Variants in ADAMTSL1 observed in about 807,000 individuals in gnomAD.
ADAMTSL1 encodes the protein ADAMTS like 1.
A neutral mutation model predicts 201.8 loss-of-function variants in ADAMTSL1; 126 were observed. That is an observed-to-expected ratio of 0.62 (90% CI 0.54 to 0.72). The LOEUF is 0.72. ADAMTSL1 is among the 30% of genes least tolerant of loss of function. The pLI is 0.00. For missense variants in ADAMTSL1, 2,679 were observed against 2,277.8 expected (o/e 1.18, Z -3.59); for synonymous variants, 1,121 against 903.4 (o/e 1.24, Z -4.32).
chr9:18,322,775 A>T (rs1474677073), intron 2 of ADAMTSL1, among the ~76,000 whole-genome samples: 2 of 152,204 alleles, frequency 1.3e-5, no homozygotes, highest in African/African-American at 4.8e-5. Flanking sequence ...GTAAAATGAT[A>T]AAAAAGAGTA....
chr9:18,599,035 A>G (rs1008680814), intron 4 of ADAMTSL1, among the ~76,000 whole-genome samples: 11 of 151,830 alleles, frequency 7.2e-5, no homozygotes, highest in Non-Finnish European at 1.3e-4. Flanking sequence ...TCTCCTCCCT[A>G]CTCCTGAGGG....
At chr9:18,283,873 G>T (rs1475601772) in intron 2 of ADAMTSL1, among the ~76,000 whole-genome samples, 2 of 133,696 alleles carry the variant, frequency 1.5e-5, no homozygotes, top group Non-Finnish European at 1.5e-5. Flanking sequence ...GATTGAGATT[G>T]TGCCACTGCA....
intron 23 of ADAMTSL1, among the ~76,000 whole-genome samples, chr9:18,861,145 G>A (rs924209036): frequency 6.6e-6 from 1 of 151,470 alleles, no homozygotes; most frequent in Non-Finnish European, 1.5e-5. Context: ...GTTATACAGA[G>A]ATCATATACA....
chr9:18,346,975 C>T (rs756871737), intron 2 of ADAMTSL1, among the ~76,000 whole-genome samples: 3 of 152,136 alleles, frequency 2.0e-5, no homozygotes, highest in South Asian at 4.2e-4. Context: ...CTTCAGATTC[C>T]GAGATTAATA....
intron 23 of ADAMTSL1, among the ~76,000 whole-genome samples, chr9:18,844,770 C>A (rs150931811): frequency 6.6e-6 from 1 of 152,158 alleles, no homozygotes; most frequent in Non-Finnish European, 1.5e-5. Flanking sequence ...GCCTTGCTGC[C>A]GCATTGCAGT....
At position 18,591,449 on chromosome 9, in the gene ADAMTSL1, G is replaced by A. The variant is rs1576896; in HGVS notation, c.474+17183G>A. Among the ~76,000 whole-genome samples, 951 of 152,090 alleles carry A rather than the reference G, an allele frequency of 6.3e-3. 6 individuals carry two copies. Among genetic ancestry groups the A allele is most frequent in the African/African-American group, 0.022 (893 of 41,496 alleles). On this transcript the variant is annotated intron_variant, in intron 4 of 28. Coordinates refer to ENST00000380548, the MANE Select transcript of ADAMTSL1 (RefSeq NM_001040272.6). The stretch of plus-strand genomic sequence containing the variant: ...CTTCTTGTTTACAGCGTATAGTTGG[G>A]CCTTATTATTTATTCCATTCAGCCA...
intron 1 of ADAMTSL1, among the ~76,000 whole-genome samples, chr9:18,092,369 G>A (rs1824063146): frequency 6.6e-6 from 1 of 152,160 alleles, no homozygotes; most frequent in Non-Finnish European, 1.5e-5. Context: ...CATAAAGAAT[G>A]AGTAGAAAGT....
intron 2 of ADAMTSL1, among the ~76,000 whole-genome samples, chr9:18,297,976 G>T (rs1233891067): frequency 6.6e-6 from 1 of 152,156 alleles, no homozygotes; most frequent in Non-Finnish European, 1.5e-5. Flanking sequence ...TATTTCACCT[G>T]TTTCTTTAAC....
At chr9:18,226,178 T>C (rs923337474) in intron 2 of ADAMTSL1, among the ~76,000 whole-genome samples, 11 of 152,210 alleles carry the variant, frequency 7.2e-5, no homozygotes, top group African/African-American at 2.7e-4. Flanking sequence ...TGTTTCTTTT[T>C]AATTTTTTCA....
At chr9:18,124,365 G>A (rs543584815) in intron 1 of ADAMTSL1, among the ~76,000 whole-genome samples, 12 of 152,132 alleles carry the variant, frequency 7.9e-5, no homozygotes, top group Admixed American at 3.3e-4. Flanking sequence ...ACAGGTGTGC[G>A]CCACCACACC....
At chr9:18,119,492 G>A (rs1016910301) in intron 1 of ADAMTSL1, among the ~76,000 whole-genome samples, 15 of 152,048 alleles carry the variant, frequency 9.9e-5, no homozygotes, top group Non-Finnish European at 1.8e-4. Flanking sequence ...AGTAGAGACG[G>A]ATTTCACTAC....
intron 1 of ADAMTSL1, among the ~76,000 whole-genome samples, chr9:18,099,253 G>A (rs542645647): frequency 6.9e-6 from 1 of 144,342 alleles, no homozygotes; most frequent in East Asian, 2.0e-4. Context: ...TGTTGCTCCT[G>A]AAAAATCTGA....
At chr9:18,215,624 T>C (rs1439957855) in intron 2 of ADAMTSL1, among the ~76,000 whole-genome samples, 2 of 152,186 alleles carry the variant, frequency 1.3e-5, no homozygotes, top group African/African-American at 4.8e-5. Context: ...TTTGTCAAGA[T>C]GGGAAGGTAG....
intron 3 of ADAMTSL1, among the ~76,000 whole-genome samples, chr9:18,548,112 A>G (rs945976183): frequency 1.3e-5 from 2 of 152,022 alleles, no homozygotes; most frequent in African/African-American, 4.8e-5. Flanking sequence ...GCAATTGTGA[A>G]TTGTCTACTT....
At chr9:18,474,106 G>A (rs1439519226), upstream of ADAMTSL1, 3 of 731,012 alleles carry the variant, frequency 4.1e-6, no homozygotes, top group African/African-American at 1.7e-5. Context: ...CAGGAAATGT[G>A]AGAGGGGCTG....
chr9:18,179,379 A>G (rs1828343746), intron 2 of ADAMTSL1, among the ~76,000 whole-genome samples: 1 of 152,230 alleles, frequency 6.6e-6, no homozygotes, highest in African/African-American at 2.4e-5. Flanking sequence ...GACTACGTGA[A>G]AAGACCAAAT....
At chr9:18,774,859 T>C (rs955376379) in intron 17 of ADAMTSL1, among the ~76,000 whole-genome samples, 1 of 152,210 alleles carries the variant, frequency 6.6e-6, no homozygotes, top group African/African-American at 2.4e-5. Flanking sequence ...ACACAAGTCT[T>C]TGTGTGGATG....
chr9:17,939,062 G>GT (rs1161968396), intron 1 of ADAMTSL1, among the ~76,000 whole-genome samples: 3 of 152,056 alleles, frequency 2.0e-5, no homozygotes, highest in Non-Finnish European at 4.4e-5. Flanking sequence ...ATATCCATTG[G>GT]TTTTTTGCCA....
At chr9:18,416,237 T>A (rs1818671527) in intron 2 of ADAMTSL1, among the ~76,000 whole-genome samples, 1 of 151,986 alleles carries the variant, frequency 6.6e-6, no homozygotes, top group African/African-American at 2.4e-5. Flanking sequence ...ATAACGTAGG[T>A]ACCTAGTTCT....
Sources: allele counts gnomAD v4.1 joint callset (sites outside exome capture counted in the v4.1 genomes callset), GRCh38; gene constraint gnomAD v4.1.1; transcripts MANE v1.5; gene names NCBI Gene and HGNC (gene_info 2026-07-23, HGNC 2026-07-21).